Variants in GRM8 observed in about 807,000 individuals in gnomAD.
GRM8 encodes metabotropic glutamate receptor 8.
GRM8 carries 47 observed loss-of-function variants against 87.2 expected under a neutral mutation model. That is an observed-to-expected ratio of 0.54 (90% CI 0.43 to 0.69). The LOEUF is 0.69. GRM8 is among the 30% of genes least tolerant of loss of function. The pLI, the probability that GRM8 is intolerant of heterozygous loss-of-function variation, is 0.00. For missense variants in GRM8, 1,019 were observed against 1,139.2 expected, an observed-to-expected ratio of 0.89 and a Z score of 1.52; for synonymous variants, 396 against 404.5, an observed-to-expected ratio of 0.98 and a Z score of 0.25.
At chr7:126,995,782 T>A (rs552256613) in intron 3 of GRM8, among the ~76,000 whole-genome samples, 1 of 151,964 alleles carries the variant, frequency 6.6e-6, no homozygotes, top group African/African-American at 2.4e-5. Flanking sequence ...GAGAAAGAGA[T>A]GAGGGTAGCA....
chr7:126,753,037 G>A (rs977756430), intron 7 of GRM8, among the ~76,000 whole-genome samples: 4 of 152,174 alleles, frequency 2.6e-5, no homozygotes, highest in African/African-American at 9.6e-5. Context: ...TCTGTTCAAT[G>A]ACTAGCTTGA....
intron 9 of GRM8, among the ~76,000 whole-genome samples, chr7:126,461,699 C>A (rs1189902448): frequency 2.0e-5 from 3 of 151,706 alleles, no homozygotes; most frequent in Non-Finnish European, 4.4e-5. Context: ...GCTCTGGTAC[C>A]TAGGCTTGCT....
intron 7 of GRM8, among the ~76,000 whole-genome samples, chr7:126,620,322 A>G (rs1799990226): frequency 6.6e-6 from 1 of 152,234 alleles, no homozygotes; most frequent in Non-Finnish European, 1.5e-5. Context: ...GTGCTAGTGC[A>G]GAAATGGAAA....
At chr7:126,492,087 C>T (rs1808082415) in intron 9 of GRM8, among the ~76,000 whole-genome samples, 1 of 151,984 alleles carries the variant, frequency 6.6e-6, no homozygotes. Context: ...GGCAGGGTCT[C>T]AGTCTGTCAC....
At chr7:126,678,235 A>C (rs1807197125) in intron 7 of GRM8, among the ~76,000 whole-genome samples, 1 of 152,188 alleles carries the variant, frequency 6.6e-6, no homozygotes, top group Non-Finnish European at 1.5e-5. Flanking sequence ...AAAAAAAGAC[A>C]CTTCCACTCT....
At chr7:126,979,787 G>A (rs1811345941) in intron 3 of GRM8, among the ~76,000 whole-genome samples, 2 of 152,156 alleles carry the variant, frequency 1.3e-5, no homozygotes, top group Non-Finnish European at 1.5e-5. Flanking sequence ...TTGGGCTAAG[G>A]ATTAATAAAA....
chr7:126,985,354 G>A (rs759761996), intron 3 of GRM8, among the ~76,000 whole-genome samples: 36 of 152,060 alleles, frequency 2.4e-4, no homozygotes, highest in Non-Finnish European at 3.4e-4. Flanking sequence ...TAATAACTTC[G>A]CCACTGGACA....
rs558960256 is a variant in GRM8, at chr7:127,169,176, C to T, written c.511-62464G>A. On this transcript the variant is annotated intron_variant, in intron 2 of 10. Coordinates refer to ENST00000339582, the MANE Select transcript of GRM8 (RefSeq NM_000845.3). ...GGCCTCTTGCACTAAACAGCCAAGT[C>T]GTGAATATGAAGAAAAAATTCTTAA... Among the ~76,000 whole-genome samples, 409 of 151,682 alleles carry T rather than the reference C, an allele frequency of 2.7e-3. 2 individuals are homozygous for T. Among genetic ancestry groups the T allele is most frequent in the Non-Finnish European group, 4.3e-3 (293 of 67,912 alleles).
At chr7:126,663,172 C>T (rs1452074260) in intron 7 of GRM8, among the ~76,000 whole-genome samples, 2 of 152,132 alleles carry the variant, frequency 1.3e-5, no homozygotes, top group African/African-American at 4.8e-5. Context: ...CAAACAAAAG[C>T]CCTACGGCAG....
chr7:126,861,105 C>A (rs932259875), intron 6 of GRM8, among the ~76,000 whole-genome samples: 1 of 152,034 alleles, frequency 6.6e-6, no homozygotes, highest in African/African-American at 2.4e-5. Flanking sequence ...AGATCATGTA[C>A]CACCAAAAAT....
intron 7 of GRM8, among the ~76,000 whole-genome samples, chr7:126,652,317 A>G (rs1008003967): frequency 3.3e-5 from 5 of 152,280 alleles, no homozygotes; most frequent in Middle Eastern, 3.4e-3. Flanking sequence ...TTTGAAGATA[A>G]TGTGTGATCT....
At chr7:126,689,423 T>C (rs1234290184) in intron 7 of GRM8, among the ~76,000 whole-genome samples, 1 of 152,238 alleles carries the variant, frequency 6.6e-6, no homozygotes, top group Non-Finnish European at 1.5e-5. Flanking sequence ...TAAAATGTTT[T>C]AGCACTGGGC....
intron 7 of GRM8, among the ~76,000 whole-genome samples, chr7:126,619,141 T>C (rs1799837639): frequency 6.6e-6 from 1 of 152,224 alleles, no homozygotes; most frequent in South Asian, 2.1e-4. Flanking sequence ...CCATCAGTGA[T>C]AGACTGGATT....
At chr7:126,880,281 C>T (rs924371751) in intron 6 of GRM8, among the ~76,000 whole-genome samples, 2 of 152,212 alleles carry the variant, frequency 1.3e-5, no homozygotes, top group Non-Finnish European at 2.9e-5. Flanking sequence ...AAAAATGCTT[C>T]AGCAATGATT....
chr7:126,604,535 C>G (rs1159849691), intron 8 of GRM8, among the ~76,000 whole-genome samples: 1 of 151,916 alleles, frequency 6.6e-6, no homozygotes, highest in Non-Finnish European at 1.5e-5. Flanking sequence ...TAATATGTAC[C>G]AGTCAATGTT....
intron 3 of GRM8, among the ~76,000 whole-genome samples, chr7:127,028,446 G>C (rs568028221): frequency 7.2e-5 from 11 of 152,294 alleles, no homozygotes; most frequent in African/African-American, 2.4e-4. Flanking sequence ...GAATTTGGCT[G>C]TGAATCTGTC....
chr7:126,637,055 C>G (rs1322143512), intron 7 of GRM8, among the ~76,000 whole-genome samples: 2 of 151,894 alleles, frequency 1.3e-5, no homozygotes, highest in Admixed American at 6.6e-5. Context: ...AAAAATAACA[C>G]TTTATTGGCC....
chr7:126,571,389 A>G (rs762367373), intron 8 of GRM8, among the ~76,000 whole-genome samples: 10 of 152,192 alleles, frequency 6.6e-5, no homozygotes, highest in Non-Finnish European at 1.3e-4. Context: ...GAGATTAAAT[A>G]CTGTACTGAA....
At chr7:126,972,770 C>G (rs1212430052) in intron 3 of GRM8, among the ~76,000 whole-genome samples, 6 of 152,148 alleles carry the variant, frequency 3.9e-5, no homozygotes, top group Non-Finnish European at 8.8e-5. Context: ...AGCATGTGGT[C>G]CTTCTAAAGC....
Sources: allele counts gnomAD v4.1 joint callset (sites outside exome capture counted in the v4.1 genomes callset), GRCh38; gene constraint gnomAD v4.1.1; transcripts MANE v1.5; gene names NCBI Gene and HGNC (gene_info 2026-07-23, HGNC 2026-07-21).